The following FHIT variants were observed in gnomAD, a reference collection of about 807,000 sequenced individuals.
The protein encoded by FHIT is fragile histidine triad diadenosine triphosphatase.
In FHIT, 19 loss-of-function variants were observed where a neutral mutation model predicts 17.9. The ratio of observed to expected loss-of-function variants is 1.06; its 90% CI spans 0.74 to 1.56. The LOEUF is 1.56. Ranked by LOEUF, FHIT falls within the 40% of genes most tolerant of loss-of-function variation. The pLI, the probability that FHIT is intolerant of heterozygous loss-of-function variation, is 0.00. For missense variants in FHIT, 248 were observed against 189.2 expected, an observed-to-expected ratio of 1.31 and a Z score of -1.82; for synonymous variants, 81 against 69.7, an observed-to-expected ratio of 1.16 and a Z score of -0.81.
chr3:60,810,119 T>G (rs1428126922), intron 4 of FHIT, among the ~76,000 whole-genome samples: 1 of 152,228 alleles, frequency 6.6e-6, no homozygotes, highest in Non-Finnish European at 1.5e-5. Context: ...TCCCAGTTTG[T>G]GTCAGCCTCA....
At chr3:60,683,002 G>A (rs2040786549) in intron 4 of FHIT, among the ~76,000 whole-genome samples, 1 of 152,202 alleles carries the variant, frequency 6.6e-6, no homozygotes, top group Non-Finnish European at 1.5e-5. Context: ...AGCTGAAGAT[G>A]TGGAAGAAAT....
Position 60,082,315 on chromosome 3 carries a change from T to G in FHIT, c.104-68163A>C, listed in dbSNP as rs1250568815. Among the ~76,000 whole-genome samples the G allele has an allele frequency of 3.3e-5, 5 of 152,260 alleles. No individual in the cohort carries two copies. In the South Asian group the frequency reaches 6.2e-4, roughly 19 times the overall value. On this transcript the variant is annotated intron_variant, in intron 5 of 9. Transcript: ENST00000492590. ...CAACAGACATGATTTCATTCTTTTT[T>G]TATGGCCATGTAGTATTCCACTGTG... is the stretch of plus-strand genomic sequence containing the variant.
chr3:60,578,750 G>A (rs529533761), intron 4 of FHIT, among the ~76,000 whole-genome samples: 120 of 152,154 alleles, frequency 7.9e-4, no homozygotes, highest in African/African-American at 2.7e-3. Flanking sequence ...TAAAATAAAT[G>A]AAACATTTTT....
At chr3:59,910,077 T>C (rs1462588957) in intron 8 of FHIT, among the ~76,000 whole-genome samples, 1 of 152,236 alleles carries the variant, frequency 6.6e-6, no homozygotes, top group Non-Finnish European at 1.5e-5. Flanking sequence ...GAGGTGCACC[T>C]GTGACACAGC....
At chr3:60,462,476 A>G (rs2032534583) in intron 5 of FHIT, among the ~76,000 whole-genome samples, 1 of 152,176 alleles carries the variant, frequency 6.6e-6, no homozygotes, top group South Asian at 2.1e-4. Flanking sequence ...ACAGAAAGGC[A>G]TGGGGTGTGA....
At chr3:60,195,189 A>G (rs890645472) in intron 5 of FHIT, among the ~76,000 whole-genome samples, 1 of 151,590 alleles carries the variant, frequency 6.6e-6, no homozygotes, top group Non-Finnish European at 1.5e-5. Context: ...ACAAACAACC[A>G]AAAAAAACCA....
At chr3:60,911,639 G>T (rs1706751276) in intron 3 of FHIT, among the ~76,000 whole-genome samples, 1 of 152,160 alleles carries the variant, frequency 6.6e-6, no homozygotes, top group African/African-American at 2.4e-5. Context: ...GAACACAGAA[G>T]AGTCATTCAA....
chr3:59,867,248 G>C (rs1308581458), intron 8 of FHIT, among the ~76,000 whole-genome samples: 1 of 139,592 alleles, frequency 7.2e-6, no homozygotes, highest in Non-Finnish European at 1.5e-5. Flanking sequence ...CTTTGTTATG[G>C]AGTTTGTCCT....
intron 7 of FHIT, among the ~76,000 whole-genome samples, chr3:59,986,521 A>ACATT (rs1392369113): frequency 0.02 from 103 of 5,260 alleles, 3 homozygotes; most frequent in Admixed American, 0.037. Context: ...ATATATATAT[A>ACATT]TATATATATA....
At chr3:60,197,781 T>C (rs543830875) in intron 5 of FHIT, among the ~76,000 whole-genome samples, 2 of 152,306 alleles carry the variant, frequency 1.3e-5, no homozygotes, top group African/African-American at 4.8e-5. Context: ...TAGTTCTGGC[T>C]TATAAAGCAC....
intron 3 of FHIT, among the ~76,000 whole-genome samples, chr3:61,001,180 G>C (rs746114393): frequency 2.0e-5 from 3 of 152,206 alleles, no homozygotes; most frequent in Non-Finnish European, 4.4e-5. Flanking sequence ...AGGATGCAGA[G>C]ACACTAGATC....
chr3:60,234,534 C>A (rs1704670319), intron 5 of FHIT, among the ~76,000 whole-genome samples: 3 of 152,138 alleles, frequency 2.0e-5, no homozygotes, highest in African/African-American at 4.8e-5. Context: ...ATTGCTATAT[C>A]TCGAGCAGGA....
chr3:60,569,725 C>CTATATATATATATATATATATATATATA (rs1219009137), intron 4 of FHIT, among the ~76,000 whole-genome samples: 1 of 39,120 alleles, frequency 2.6e-5, no homozygotes, highest in Non-Finnish European at 4.4e-5. Context: ...TTTATTAATA[C>CTATATATATATATATATATATATATATA]TATATATATA....
chr3:59,914,192 G>T (rs1158518123), intron 8 of FHIT, among the ~76,000 whole-genome samples: 2 of 127,836 alleles, frequency 1.6e-5, no homozygotes, highest in Non-Finnish European at 3.5e-5. Context: ...CATTATTAAT[G>T]AGATATTTAC....
intron 5 of FHIT, among the ~76,000 whole-genome samples, chr3:60,389,839 C>G (rs2107147276): frequency 6.6e-6 from 1 of 152,282 alleles, no homozygotes; most frequent in African/African-American, 2.4e-5. Flanking sequence ...CTCCTTGTAT[C>G]TTTCCTGCAT....
chr3:60,167,833 C>G (rs1559693323), intron 5 of FHIT, among the ~76,000 whole-genome samples: 1 of 152,212 alleles, frequency 6.6e-6, no homozygotes, highest in East Asian at 1.9e-4. Context: ...GAATTTGAAA[C>G]CAGCCTGGGC....
chr3:60,154,098 AG>A (rs1320878597), intron 5 of FHIT, among the ~76,000 whole-genome samples: 16 of 152,224 alleles, frequency 1.1e-4, no homozygotes, highest in Admixed American at 9.2e-4. Flanking sequence ...AAAGTAAGTT[AG>A]TAACAGAACT....
In FHIT at chr3:60,638,766, G is replaced by A. The variant is rs549284044; in HGVS notation, c.-17-101787C>T. On this transcript the variant is annotated intron_variant, in intron 4 of 9. Transcript: ENST00000492590. ...TATTTACCAGAAACAGAAGAAACGT[G>A]TTTAAGAATGACTACAAAAATGCAA... Among the ~76,000 whole-genome samples the A allele has an allele frequency of 2.1e-4, 32 of 152,040 alleles. No homozygotes were observed. In the South Asian group the frequency reaches 6.5e-3, roughly 31 times the overall value.
chr3:60,347,840 C>T (rs1710872511), intron 5 of FHIT, among the ~76,000 whole-genome samples: 1 of 152,022 alleles, frequency 6.6e-6, no homozygotes. Context: ...CTCACTGCAA[C>T]CTCCCCCTCC....
Sources: gnomAD v4.1 joint callset for allele counts (sites outside exome capture counted in the v4.1 genomes callset) on GRCh38, gnomAD v4.1.1 for gene constraint, MANE v1.5 for transcripts, NCBI Gene and HGNC (gene_info 2026-07-23, HGNC 2026-07-21) for gene names.